Variants in NBPF8 observed in about 807,000 individuals in gnomAD.
NBPF8 encodes NBPF member 8.
At chr1:120,450,790 C>T (rs1315372701) in intron 11 of NBPF8, among the ~76,000 whole-genome samples, 1 of 152,136 alleles carries the variant, frequency 6.6e-6, no homozygotes, top group Non-Finnish European at 1.5e-5. Flanking sequence ...GTCCCATAGT[C>T]CTAGGGGCCT....
At chr1:120,430,448 G>A (rs1660844415) in intron 3 of NBPF8, among the ~76,000 whole-genome samples, 1 of 108,330 alleles carries the variant, frequency 9.2e-6, no homozygotes, top group South Asian at 2.4e-4. Flanking sequence ...CTAAATACAT[G>A]TTGTGCTTAT....
downstream of NBPF8, among the ~76,000 whole-genome samples, chr1:120,469,664 A>G (rs1211033448): frequency 6.6e-6 from 1 of 151,476 alleles, no homozygotes; most frequent in Non-Finnish European, 1.5e-5. Context: ...ATAATAAAGA[A>G]CACTTTACCT....
upstream of NBPF8, among the ~76,000 whole-genome samples, chr1:120,415,579 C>T (rs1245775999): frequency 6.6e-6 from 1 of 152,168 alleles, no homozygotes; most frequent in Non-Finnish European, 1.5e-5. Context: ...CTCGTGTATC[C>T]TGTGGAGGAC....
chr1:120,455,533 A>G, intron 16 of NBPF8, 73 bp downstream of exon 14: 1 of 529,220 alleles, frequency 1.9e-6, no homozygotes, highest in South Asian at 2.1e-5. Flanking sequence ...GAAAATGAGG[A>G]AGTGATGAAT....
At chr1:120,431,038 T>C (rs1462168919) in intron 3 of NBPF8, among the ~76,000 whole-genome samples, 8 of 149,522 alleles carry the variant, frequency 5.4e-5, no homozygotes, top group Non-Finnish European at 1.2e-4. Context: ...AATAATAAAA[T>C]AGCAATATTA....
At chr1:120,460,595 A>G (rs1224704768) in exon 18 of NBPF8, 45 of 1,454,138 alleles carry the variant, frequency 3.1e-5, no homozygotes, top group South Asian at 1.4e-4. Flanking sequence ...ATCAAGTGAA[A>G]AAGGAGGACC....
At chr1:120,467,757 G>A (rs1661779126), downstream of NBPF8, 1 of 152,108 alleles carries the variant, frequency 6.6e-6, no homozygotes, top group South Asian at 2.1e-4. Flanking sequence ...CTTTTGGATT[G>A]TTTTTCACAT....
intron 1 of NBPF8, among the ~76,000 whole-genome samples, chr1:120,425,360 G>A (rs1245271521): frequency 6.6e-6 from 1 of 152,138 alleles, no homozygotes; most frequent in East Asian, 1.9e-4. Flanking sequence ...CATGCTGGCA[G>A]CAATACTGCT....
chr1:120,461,026 G>GTGTC (rs1661573330), intron 18 of NBPF8, among the ~76,000 whole-genome samples: 2 of 81,862 alleles, frequency 2.4e-5, no homozygotes, highest in Non-Finnish European at 4.8e-5. Context: ...CTGTGTGTGT[G>GTGTC]TGTGTGTGTG....
chr1:120,453,961 T>C (rs1661360387), exon 15 of NBPF8: 3 of 1,609,122 alleles, frequency 1.9e-6, no homozygotes, highest in Non-Finnish European at 1.7e-6. Context: ...ACTGGAGGAA[T>C]GTGCCATCAC....
chr1:120,432,823 CG>C (rs1214134240), upstream of NBPF8: 2 of 150,494 alleles, frequency 1.3e-5, no homozygotes, highest in African/African-American at 4.9e-5. Context: ...GCAGTAGTTC[CG>C]TTAGTGTATC....
At chr1:120,433,631 G>A (rs1216835680), upstream of NBPF8, 7 of 172,356 alleles carry the variant, frequency 4.1e-5, no homozygotes, top group African/African-American at 1.7e-4. Context: ...GGGAGCGGTG[G>A]AGTGGAAGGA....
chr1:120,415,353 G>A (rs1350925010), upstream of NBPF8, among the ~76,000 whole-genome samples: 5 of 151,780 alleles, frequency 3.3e-5, no homozygotes, highest in African/African-American at 9.7e-5. Flanking sequence ...TGCGGCTGTC[G>A]CAAGTTTTGT....
rs1661692762 is a variant in NBPF8 at position 120,464,648 on chromosome 1, T to C, written n.3459+100T>C. ...GCCATTACTGAGCTGAGAGATGTCA[T>C]TGCCACAGGGAGGACCTATAGGCAC... On this transcript the variant is annotated intron_variant and non_coding_transcript_variant, in intron 23 of 24. Coordinates refer to ENST00000583271, the Ensembl canonical transcript of NBPF8. 1.8e-5 allele frequency: 13 copies of C among 721,678 alleles called. 1 individual carries two copies. Among genetic ancestry groups the C allele is most frequent in the African/African-American group, 7.4e-5 (4 of 54,122 alleles). The allele number at this position is 721,678 out of a possible 1,614,324, so 44.7% of individuals were successfully genotyped here.
exon 1 of NBPF8, chr1:120,436,651 T>C (rs1553247819): frequency 3.1e-6 from 5 of 1,607,442 alleles, no homozygotes; most frequent in Non-Finnish European, 4.2e-6. Context: ...AGAGATGTTT[T>C]CTAACTCAAC....
At chr1:120,468,811 T>A (rs1661822614), downstream of NBPF8, among the ~76,000 whole-genome samples, 1 of 151,502 alleles carries the variant, frequency 6.6e-6, no homozygotes, top group Admixed American at 6.6e-5. Context: ...GGTTCTATCA[T>A]GAACAGGCCC....
chr1:120,454,653 C>T (rs1301570900), intron 15 of NBPF8, among the ~76,000 whole-genome samples: 2 of 142,592 alleles, frequency 1.4e-5, no homozygotes, highest in East Asian at 4.0e-4. Flanking sequence ...CCCTGGTTCT[C>T]CACCCTGTCA....
Position 120,464,363 on chromosome 1 carries a change from C to G in NBPF8, n.3287-13C>G. 1 of 784,742 alleles carries G rather than the reference C, an allele frequency of 1.3e-6. No individual in the cohort carries two copies. Among genetic ancestry groups the G allele is most frequent in the South Asian group, 1.3e-5 (1 of 74,576 alleles). 48.6% of individuals were successfully genotyped at this position (784,742 alleles called of 1,614,324 possible). ...TCCCCTGGCGTATTCTTTACTTTTT[C>G]CTCCTTTTCCAGGCTCAGCAGGGAG... On this transcript the variant is annotated splice_polypyrimidine_tract_variant and intron_variant and non_coding_transcript_variant, in intron 22 of 24. Transcript: ENST00000583271.
At chr1:120,418,494 G>A (rs1337294963), upstream of NBPF8, among the ~76,000 whole-genome samples, 29 of 149,398 alleles carry the variant, frequency 1.9e-4, no homozygotes, top group East Asian at 5.9e-4. Flanking sequence ...TTAAAGGGCC[G>A]ACGTGATATG....
Sources: gnomAD v4.1 joint callset for allele counts (sites outside exome capture counted in the v4.1 genomes callset) on GRCh38, gnomAD v4.1.1 for gene constraint, MANE v1.5 for transcripts, NCBI Gene and HGNC (gene_info 2026-07-23, HGNC 2026-07-21) for gene names.